AGBL2: variants seen among roughly 807,000 people sequenced by gnomAD.
AGBL2 encodes AGBL carboxypeptidase 2, also known as cytosolic carboxypeptidase 2.
AGBL2 carries 87 observed loss-of-function variants against 103.0 expected under a neutral mutation model. The observed-to-expected ratio is 0.84, with a 90% CI of 0.71 to 1.01. The LOEUF is 1.01. AGBL2 is among the 50% of genes least tolerant of loss of function. The pLI, the probability that AGBL2 is intolerant of heterozygous loss-of-function variation, is 0.00. For synonymous variants in AGBL2, 335 were observed against 356.7 expected (o/e 0.94, Z 0.69); for missense variants, 904 against 1,023.5 (o/e 0.88, Z 1.59).
chr11:47,697,569 G>T (rs528398485), intron 8 of AGBL2, among the ~76,000 whole-genome samples: 1 of 111,850 alleles, frequency 8.9e-6, no homozygotes, highest in African/African-American at 3.4e-5. Flanking sequence ...TTTTTGAGAC[G>T]GAGTCTTGCT....
intron 14 of AGBL2, among the ~76,000 whole-genome samples, chr11:47,669,508 C>T (rs1376326613): frequency 6.6e-6 from 1 of 151,756 alleles, no homozygotes; most frequent in Non-Finnish European, 1.5e-5. Context: ...GGTGAAACCC[C>T]GTCTCTATTA....
At chr11:47,662,879 T>C (rs1564996857) in intron 18 of AGBL2, 147 bp downstream of exon 18, 1 of 693,420 alleles carries the variant, frequency 1.4e-6, no homozygotes, top group Non-Finnish European at 2.5e-6. Context: ...GGGTGCAAAA[T>C]GCCTTAGATG....
In AGBL2 at chr11:47,659,687, G is replaced by A. The variant is rs1201075785; in HGVS notation, c.*486C>T. 6.6e-6 allele frequency: 1 copy of A among 152,364 alleles called. No homozygotes were observed. Among genetic ancestry groups the A allele is most frequent in the African/African-American group, 2.4e-5 (1 of 41,428 alleles). 9.4% of individuals were successfully genotyped at this position (152,364 alleles called of 1,614,324 possible). ...TTAAATTCTGGGTAATACATGCATT[G>A]TTATTTCTATGTGGGAATACCTCAT... On this transcript the variant is annotated 3_prime_UTR_variant, in exon 19 of 19. Transcript: ENST00000525123.
intron 7 of AGBL2, 58 bp downstream of exon 7, chr11:47,704,482 CAAA>C (rs571226870): frequency 5.3e-3 from 5,562 of 1,059,046 alleles, no homozygotes; most frequent in South Asian, 9.2e-3. Flanking sequence ...GACTTCGTCT[CAAA>C]AAAAAAAAAA....
At chr11:47,678,331 T>C (rs10128705) in intron 13 of AGBL2, among the ~76,000 whole-genome samples, 43,192 of 135,562 alleles carry the variant, frequency 0.32, 8,144 homozygotes, top group Middle Eastern at 0.42. Context: ...TTTTATTTTA[T>C]TTTATTATTT....
Position 47,692,172 on chromosome 11 carries a change from C to T in AGBL2, c.779G>A (p.Gly260Glu). The T allele has an allele frequency of 6.2e-7, 1 of 1,613,816 alleles. No individual in the cohort carries two copies. Among genetic ancestry groups the T allele is most frequent in the Admixed American group, 1.7e-5 (1 of 59,948 alleles). ...IVKELAVTLQ[G>E]PEDNTLLFES... ...AAACAGTAGAGTATTATCTTCTGGTCCTTGCAACGTGACAGCAAGTTCCTT... is the reference window on the plus strand; with the variant it reads ...AAACAGTAGAGTATTATCTTCTGGTTCTTGCAACGTGACAGCAAGTTCCTT... Residue 260 changes from glycine (G) to glutamate (E), a missense_variant, in exon 9 of 19, where the codon GGA becomes GAA. Physicochemically the swap from Gly to Glu is moderately conservative, Grantham distance 98. Transcript: ENST00000525123.
intron 13 of AGBL2, among the ~76,000 whole-genome samples, 165 bp downstream of exon 13, chr11:47,679,808 T>C (rs2097394450): frequency 6.6e-6 from 1 of 151,942 alleles, no homozygotes; most frequent in Non-Finnish European, 1.5e-5. Context: ...GACCAGCTAA[T>C]TTTTTGTATT....
intron 8 of AGBL2, among the ~76,000 whole-genome samples, chr11:47,697,554 T>C: frequency 7.2e-6 from 1 of 138,340 alleles, no homozygotes; most frequent in East Asian, 2.2e-4. Flanking sequence ...TTTTTTTTTT[T>C]TTTTTTTTTG....
intron 8 of AGBL2, among the ~76,000 whole-genome samples, chr11:47,697,245 G>T (rs888332488): frequency 1.8e-4 from 26 of 147,230 alleles, no homozygotes; most frequent in South Asian, 1.3e-3. Context: ...TGATGATGAT[G>T]ATGATTTTTT....
At chr11:47,668,154 A>T (rs2097346627) in intron 15 of AGBL2, among the ~76,000 whole-genome samples, 1 of 145,284 alleles carries the variant, frequency 6.9e-6, no homozygotes, top group Non-Finnish European at 1.5e-5. Flanking sequence ...GGTTGCAGTA[A>T]GCTGAGATCA....
intron 4 of AGBL2, among the ~76,000 whole-genome samples, chr11:47,706,905 A>AC (rs2097522447): frequency 6.8e-6 from 1 of 147,144 alleles, no homozygotes; most frequent in Non-Finnish European, 1.5e-5. Context: ...AAAAAAAAAA[A>AC]AAAAAAAAGA....
chr11:47,666,390 T>TAA (rs1296151538), intron 17 of AGBL2, among the ~76,000 whole-genome samples: 1 of 92,488 alleles, frequency 1.1e-5, no homozygotes, highest in African/African-American at 3.4e-5. Flanking sequence ...AGACTCCATC[T>TAA]CAAAAAAAAA....
Position 47,685,957 on chromosome 11 carries a change from T to C in AGBL2, c.1724A>G (p.Asn575Ser), listed in dbSNP as rs761205356. The C allele has an allele frequency of 1.2e-6, 2 of 1,614,082 alleles. No homozygotes were observed. The highest frequency in any genetic ancestry group is 1.7e-6 in the Non-Finnish European group (2 of 1,179,958). The stretch of plus-strand genomic sequence containing the variant: ...TCGTTCATGAAGCCAGTATTTGCGA[T>C]TGTTGTTATTACAGCCATACAGGAA... ...NIFLYGCNNN[N>S]RKYWLHERVF... Residue 575 changes from asparagine to serine, a missense_variant, in exon 11 of 19, where the codon AAT becomes AGT. Coordinates refer to ENST00000525123, the MANE Select transcript of AGBL2 (RefSeq NM_024783.4).
intron 8 of AGBL2, among the ~76,000 whole-genome samples, chr11:47,698,455 A>C (rs1489154199): frequency 1.3e-5 from 2 of 152,212 alleles, no homozygotes; most frequent in Non-Finnish European, 2.9e-5. Flanking sequence ...TATAGGCGTG[A>C]GCCACAGCGC....
chr11:47,714,526 C>A, intron 2 of AGBL2, 92 bp downstream of exon 2: 1 of 1,423,476 alleles, frequency 7.0e-7, no homozygotes, highest in South Asian at 1.1e-5. Context: ...ACCAGAACAT[C>A]CCTTCTCATC....
In AGBL2 at chr11:47,705,855, A is replaced by G. The variant is rs371185841; in HGVS notation, c.286+9T>C. 30 of 1,613,400 alleles carry G rather than the reference A, an allele frequency of 1.9e-5. No individual in the cohort carries two copies. Among genetic ancestry groups the G allele is most frequent in the Middle Eastern group, 1.6e-4 (1 of 6,082 alleles). ...CTTGAATCTTCTGGTCTGGAAGGAC[A>G]TGAAATACCTCTGTTGATGGCTTCT... is the stretch of plus-strand genomic sequence containing the variant. On this transcript the variant is annotated intron_variant, in intron 5 of 18. Coordinates refer to ENST00000525123, the MANE Select transcript of AGBL2 (RefSeq NM_024783.4).
intron 10 of AGBL2, among the ~76,000 whole-genome samples, chr11:47,687,828 G>C (rs1046517625): frequency 8.6e-6 from 1 of 116,822 alleles, no homozygotes; most frequent in Non-Finnish European, 1.7e-5. Flanking sequence ...TTTTTGTTAA[G>C]ACACAGTCTC....
At chr11:47,700,943 C>T (rs2097496360) in intron 7 of AGBL2, among the ~76,000 whole-genome samples, 1 of 151,364 alleles carries the variant, frequency 6.6e-6, no homozygotes, top group Non-Finnish European at 1.5e-5. Flanking sequence ...CCTGTAATCC[C>T]AGCTACTCAG....
In AGBL2 at chr11:47,676,248, T is replaced by G. The variant is rs534802335; in HGVS notation, c.2147+1023A>C. On this transcript the variant is annotated intron_variant, in intron 14 of 18. Transcript: ENST00000525123. ...CTCCATCCAACCAATTGTGGAGTCA[T>G]TCTCTTCTTTTCTCATGCCCATATC... 9.2e-5 allele frequency among the ~76,000 whole-genome samples: 14 copies of G among 152,224 alleles called. No individual in the cohort carries two copies. In the East Asian group the frequency reaches 2.7e-3, roughly 29 times the overall value.
Sources: gnomAD v4.1 joint callset for allele counts (sites outside exome capture counted in the v4.1 genomes callset) on GRCh38, gnomAD v4.1.1 for gene constraint, MANE v1.5 for transcripts, NCBI Gene and HGNC (gene_info 2026-07-23, HGNC 2026-07-21) for gene names.